The following DTX2 variants were observed in gnomAD, a reference collection of about 807,000 sequenced individuals.
DTX2 encodes the protein deltex E3 ubiquitin ligase 2, also known as probable E3 ubiquitin-protein ligase DTX2.
DTX2 carries 29 observed loss-of-function variants against 55.3 expected under a neutral mutation model. That is an observed-to-expected ratio of 0.52 (90% CI 0.39 to 0.71). The LOEUF (loss-of-function observed/expected upper bound fraction) is 0.71, where lower values mean the gene tolerates loss of function less well. Among genes scored for constraint, DTX2 ranks in the 30% least tolerant of loss-of-function variants. DTX2 has a pLI of 0.00. For missense variants in DTX2, 537 were observed against 822.5 expected, an observed-to-expected ratio of 0.65 and a Z score of 4.25; for synonymous variants, 276 against 340.4, an observed-to-expected ratio of 0.81 and a Z score of 2.08.
chr7:76,498,838 GTGTGTGGGGT>G (rs1811254516), intron 6 of DTX2, among the ~76,000 whole-genome samples: 1 of 129,404 alleles, frequency 7.7e-6, no homozygotes, highest in Admixed American at 7.3e-5. Flanking sequence ...AGAGGTGAGG[GTGTGTGGGGT>G]GTGTGGAGGT....
rs906644036 is a variant in DTX2, at chr7:76,505,105, G to A, written c.1642-269G>A. ...ACGGCTGTGGAAGCAGGGAGGACTCGAGCATGGTGCCTGGGCATCAGGACC... is the reference window on the plus strand; with the variant it reads ...ACGGCTGTGGAAGCAGGGAGGACTCAAGCATGGTGCCTGGGCATCAGGACC... On this transcript the variant is annotated intron_variant, in intron 10 of 10. Transcript: ENST00000430490. The surrounding 1 kb of genome is among the most constrained non-coding windows in gnomAD (Gnocchi z 4.4). Among the ~76,000 whole-genome samples the A allele has an allele frequency of 2.0e-5, 3 of 152,010 alleles. No homozygotes were observed. The East Asian group carries it at 5.8e-4, about 29-fold the overall frequency.
intron 5 of DTX2, among the ~76,000 whole-genome samples, chr7:76,494,824 G>C (rs2116514079): frequency 7.9e-6 from 1 of 127,290 alleles, no homozygotes; most frequent in African/African-American, 2.9e-5. Flanking sequence ...CATTGTCTAG[G>C]GGAGCAGGGA....
intron 3 of DTX2, among the ~76,000 whole-genome samples, chr7:76,481,328 A>G (rs1809186847): frequency 6.6e-6 from 1 of 151,958 alleles, no homozygotes; most frequent in South Asian, 2.1e-4. Flanking sequence ...CTGGGATTAT[A>G]GGCATCCACC....
At chr7:76,481,992 C>G (rs1457062953) in intron 3 of DTX2, among the ~76,000 whole-genome samples, 1 of 151,936 alleles carries the variant, frequency 6.6e-6, no homozygotes, top group Non-Finnish European at 1.5e-5. Context: ...GCCGTCATGC[C>G]CAGCCCTGGA....
chr7:76,469,278 G>T (rs940485882), intron 2 of DTX2, among the ~76,000 whole-genome samples: 1 of 145,770 alleles, frequency 6.9e-6, no homozygotes, highest in African/African-American at 2.6e-5. Flanking sequence ...TTTAGCTGGT[G>T]TTGCTAGGTA....
rs3972784 is a variant in DTX2 at position 76,468,758 on chromosome 7, A to ATTTTTT, written c.-90+5066_-90+5071dup. Among the ~76,000 whole-genome samples the ATTTTTT allele has an allele frequency of 3.8e-3, 103 of 27,006 alleles. 1 individual carries two copies. Among genetic ancestry groups the ATTTTTT allele is most frequent in the South Asian group, 0.025 (11 of 446 alleles). The allele number at this position is 27,006 out of a possible 152,430, so 17.7% of individuals were successfully genotyped here. ...ATAGGCGTGAGCCACCACGCCCAGC[A>ATTTTTT]TTTTTTTTTTTTTTTTTTTTTTGAG... On this transcript the variant is annotated intron_variant, in intron 2 of 10. Coordinates refer to ENST00000430490, the MANE Select transcript of DTX2 (RefSeq NM_001102594.3).
intron 2 of DTX2, among the ~76,000 whole-genome samples, chr7:76,477,906 A>G (rs1392380716): frequency 1.3e-5 from 2 of 150,372 alleles, no homozygotes; most frequent in African/African-American, 4.9e-5. Context: ...CACATACATG[A>G]CTAAGAGGCA....
chr7:76,480,781 A>T lies in DTX2; in HGVS notation c.268+4A>T. 1 of 1,592,606 alleles carries T rather than the reference A, an allele frequency of 6.3e-7. No homozygotes were observed. The highest frequency in any genetic ancestry group is 8.6e-7 in the Non-Finnish European group (1 of 1,168,302). ...ACCCAGTTCCGCCAGGACACCGGTA[A>T]GACGCTGTCTGCCTCTCGCACATAT... On this transcript the variant is annotated splice_donor_region_variant and intron_variant, in intron 3 of 10. Coordinates refer to ENST00000430490, the MANE Select transcript of DTX2 (RefSeq NM_001102594.3).
chr7:76,501,687 G>A (rs1811705722), intron 7 of DTX2, among the ~76,000 whole-genome samples: 2 of 151,880 alleles, frequency 1.3e-5, no homozygotes, highest in African/African-American at 2.4e-5. Context: ...TCCCTCTTCC[G>A]GGTGCCCACT....
At chr7:76,504,626 C>T (rs531191367) in intron 10 of DTX2, among the ~76,000 whole-genome samples, 181 bp downstream of exon 10, 291 of 152,296 alleles carry the variant, frequency 1.9e-3, no homozygotes, top group South Asian at 0.018. Flanking sequence ...CCTCACATAG[C>T]CTCGAGGGAG....
At chr7:76,467,029 T>G (rs1466924756) in intron 2 of DTX2, among the ~76,000 whole-genome samples, 2 of 152,210 alleles carry the variant, frequency 1.3e-5, no homozygotes, top group East Asian at 3.9e-4. Context: ...GCCTCCTGAA[T>G]AGCTGGGACT....
In DTX2 at chr7:76,505,304, G is replaced by A. The variant is rs910358488; in HGVS notation, c.1642-70G>A. 159 of 1,308,454 alleles carry A rather than the reference G, an allele frequency of 1.2e-4. No individual in the cohort carries two copies. The highest frequency in any genetic ancestry group is 1.5e-4 in the Non-Finnish European group (145 of 940,152). 81.1% of individuals were successfully genotyped at this position (1,308,454 alleles called of 1,614,324 possible). A position where few individuals can be genotyped will look rare whatever the true frequency, so the allele number is the denominator to read the frequency against. ...GATGGGAAGAACATGGTGCCAACCC[G>A]TGCCTGCTCACTGAGCCCCTCTCAC... is the stretch of plus-strand genomic sequence containing the variant. On this transcript the variant is annotated intron_variant, in intron 10 of 10. Coordinates refer to ENST00000430490, the MANE Select transcript of DTX2 (RefSeq NM_001102594.3). The surrounding 1 kb of genome is among the most constrained non-coding windows in gnomAD (Gnocchi z 4.4).
Position 76,482,914 on chromosome 7 carries a change from C to T in DTX2, c.675C>T (p.Pro225=), listed in dbSNP as rs188650862. 2.6e-5 allele frequency: 42 copies of T among 1,613,796 alleles called. No homozygotes were observed. The highest frequency in any genetic ancestry group is 2.8e-5 in the Non-Finnish European group (33 of 1,179,770). ...RHSMTNLPAY[P]VPQHPPHRTA... ...CCATGACCAACCTCCCTGCATACCC[C>T]GTCCCCCAGCACCCCCCACACAGGA... Residue 225 remains proline (P), a synonymous_variant, in exon 4 of 11, where the codon CCC becomes CCT. Coordinates refer to ENST00000430490, the MANE Select transcript of DTX2 (RefSeq NM_001102594.3).
intron 2 of DTX2, among the ~76,000 whole-genome samples, chr7:76,469,360 AT>A (rs67541833): frequency 7.1e-3 from 577 of 81,212 alleles, no homozygotes; most frequent in Middle Eastern, 0.027. Context: ...TGAAATCTAG[AT>A]TTTTTTTTTT....
rs558250624 is a variant in DTX2 at position 76,495,642 on chromosome 7, G to A, written c.1010-1695G>A. 1.0e-4 allele frequency among the ~76,000 whole-genome samples: 15 copies of A among 148,740 alleles called. 1 individual carries two copies. The East Asian group carries it at 3.1e-3, about 31-fold the overall frequency. On this transcript the variant is annotated intron_variant, in intron 5 of 10. Coordinates refer to ENST00000430490, the MANE Select transcript of DTX2 (RefSeq NM_001102594.3). ...CTTCATTCCTCAGCAAACACAGAGG[G>A]CTGCAGGCTTCCCAGGGATCAGGCA...
chr7:76,474,186 T>TCTTTTG (rs1349889974), intron 2 of DTX2, among the ~76,000 whole-genome samples: 2 of 83,726 alleles, frequency 2.4e-5, no homozygotes, highest in African/African-American at 9.4e-5. Flanking sequence ...CTTTTTTTTT[T>TCTTTTG]CTTTTTCTTT....
At chr7:76,495,486 CCTCCT>C (rs1221162600) in intron 5 of DTX2, among the ~76,000 whole-genome samples, 1 of 152,140 alleles carries the variant, frequency 6.6e-6, no homozygotes, top group East Asian at 1.9e-4. Context: ...CCCTAGCCCT[CCTCCT>C]CTCCAGGCTT....
intron 9 of DTX2, among the ~76,000 whole-genome samples, chr7:76,503,985 G>T (rs1041580178): frequency 6.7e-6 from 1 of 148,714 alleles, no homozygotes; most frequent in Non-Finnish European, 1.5e-5. Context: ...CCAGGCGTGT[G>T]GGTGTCAGGA....
At chr7:76,501,220 C>T (rs1454805584) in intron 7 of DTX2, 2 of 447,736 alleles carry the variant, frequency 4.5e-6, no homozygotes, top group Admixed American at 5.0e-5. Context: ...GGGTGGAAGG[C>T]CAGGAGCCCC....
Sources: allele counts gnomAD v4.1 joint callset (sites outside exome capture counted in the v4.1 genomes callset), GRCh38; gene constraint gnomAD v4.1.1; non-coding constraint Gnocchi (gnomAD v3.1); transcripts MANE v1.5; gene names NCBI Gene and HGNC (gene_info 2026-07-23, HGNC 2026-07-21).